CNTN4: variants seen among roughly 807,000 people sequenced by gnomAD.
CNTN4 encodes contactin 4.
CNTN4 carries 77 observed loss-of-function variants against 122.5 expected under a neutral mutation model. That is an observed-to-expected ratio of 0.63 (90% confidence interval 0.52 to 0.76). CNTN4 has a LOEUF of 0.76. Among genes scored for constraint, CNTN4 ranks in the 30% least tolerant of loss-of-function variants. The pLI is 0.00. For missense variants in CNTN4, 1,256 were observed against 1,259.1 expected (o/e 1.00, Z 0.04); for synonymous variants, 512 against 447.0 (o/e 1.15, Z -1.83).
At chr3:2,147,276 G>A (rs577030720) in intron 2 of CNTN4, among the ~76,000 whole-genome samples, 1 of 152,044 alleles carries the variant, frequency 6.6e-6, no homozygotes, top group Admixed American at 6.5e-5. Flanking sequence ...ATGCATCAGA[G>A]GAGCATTCCA....
At chr3:2,483,094 G>T (rs2076053580) in intron 3 of CNTN4, among the ~76,000 whole-genome samples, 1 of 152,178 alleles carries the variant, frequency 6.6e-6, no homozygotes. Flanking sequence ...AGCCAGGAGG[G>T]GTGCTATACC....
intron 7 of CNTN4, among the ~76,000 whole-genome samples, chr3:2,837,830 T>C (rs1380819633): frequency 6.6e-6 from 1 of 152,172 alleles, no homozygotes; most frequent in Admixed American, 6.5e-5. Context: ...ATCTGAAATA[T>C]GTCATGCTTT....
chr3:2,726,432 T>C (rs950367844), intron 4 of CNTN4, among the ~76,000 whole-genome samples: 8 of 152,100 alleles, frequency 5.3e-5, no homozygotes, highest in African/African-American at 9.7e-5. Context: ...ACCACTTGAG[T>C]TGAAAGAGTA....
intron 3 of CNTN4, among the ~76,000 whole-genome samples, chr3:2,416,415 T>C (rs1225851844): frequency 2.0e-5 from 3 of 152,196 alleles, no homozygotes; most frequent in East Asian, 3.9e-4. Flanking sequence ...ATATGTAAAA[T>C]GTAATTTAAA....
intron 7 of CNTN4, among the ~76,000 whole-genome samples, chr3:2,851,056 G>T (rs527325362): frequency 1.3e-5 from 2 of 152,262 alleles, no homozygotes; most frequent in South Asian, 4.1e-4. Context: ...GAAATCGAAG[G>T]TGGGTACAAT....
intron 13 of CNTN4, among the ~76,000 whole-genome samples, chr3:2,973,500 G>C (rs1275248297): frequency 6.6e-6 from 1 of 151,930 alleles, no homozygotes; most frequent in Non-Finnish European, 1.5e-5. Flanking sequence ...GCTTCATTTT[G>C]GGGGAGAATG....
At chr3:2,549,746 G>T (rs764452973) in intron 3 of CNTN4, among the ~76,000 whole-genome samples, 2 of 152,014 alleles carry the variant, frequency 1.3e-5, no homozygotes, top group Middle Eastern at 3.2e-3. Flanking sequence ...TTCTTTTTCT[G>T]TTGTTTGGAA....
rs550693991 is a variant in CNTN4 at position 2,626,144 on chromosome 3, T to G, written c.55+54586T>G. Among the ~76,000 whole-genome samples, 19 of 152,314 alleles carry G rather than the reference T, an allele frequency of 1.2e-4. 1 individual carries two copies. The South Asian group carries it at 3.9e-3, about 32-fold the overall frequency. ...TTGCTTGCTGGCCTTTTCACTCTTA[T>G]TTGGAGTCCTTTGATAGAGCAGAAG... On this transcript the variant is annotated intron_variant, in intron 4 of 24. Transcript: ENST00000418658.
At position 2,385,149 on chromosome 3, in the gene CNTN4, A is replaced by G. The variant is rs2046198481; in HGVS notation, c.-89+45916A>G. On this transcript the variant is annotated intron_variant, in intron 3 of 24. Coordinates refer to ENST00000418658, the MANE Select transcript of CNTN4 (RefSeq NM_175607.3). This position sits in a 1 kb window ranked among gnomAD's most constrained non-coding sequence, Gnocchi z 4.0. Reference sequence around the variant, plus strand: ...TATAAACATATCATTTTCTACTTTAAACCATAATCCATAACTCATATCAAC... The same window carrying G: ...TATAAACATATCATTTTCTACTTTAGACCATAATCCATAACTCATATCAAC... 6.6e-6 allele frequency among the ~76,000 whole-genome samples: 1 copy of G among 152,214 alleles called. No homozygotes were observed. The highest frequency in any genetic ancestry group is 2.4e-5 in the African/African-American group (1 of 41,456).
At chr3:2,384,593 GC>G (rs2150807066) in intron 3 of CNTN4, among the ~76,000 whole-genome samples, 1 of 152,242 alleles carries the variant, frequency 6.6e-6, no homozygotes, top group South Asian at 2.1e-4. Flanking sequence ...AATTGCAAAT[GC>G]CCAGCTAAAT....
At chr3:2,863,672 T>G (rs1312142057) in intron 7 of CNTN4, among the ~76,000 whole-genome samples, 1 of 152,096 alleles carries the variant, frequency 6.6e-6, no homozygotes, top group African/African-American at 2.4e-5. Flanking sequence ...AACTAGGTTT[T>G]TTGAGCTGTG....
rs550390029 is a variant in CNTN4 at position 2,709,476 on chromosome 3, A to T, written c.56-26739A>T. ...GCAATGGGGGATGGGAACTACTGAA[A>T]CCTAATCCCCGCAATTACAGGGTTT... On this transcript the variant is annotated intron_variant, in intron 4 of 24. Transcript: ENST00000418658. This position sits in a 1 kb window ranked among gnomAD's most constrained non-coding sequence, Gnocchi z 5.0. Among the ~76,000 whole-genome samples the T allele has an allele frequency of 3.3e-5, 5 of 152,270 alleles. No homozygotes were observed. In the East Asian group the frequency reaches 9.7e-4, roughly 29 times the overall value.
intron 6 of CNTN4, among the ~76,000 whole-genome samples, chr3:2,760,905 G>A (rs2090562248): frequency 6.6e-6 from 1 of 152,164 alleles, no homozygotes; most frequent in Non-Finnish European, 1.5e-5. Flanking sequence ...AAGAATGTTA[G>A]TGATTTCCTA....
intron 6 of CNTN4, among the ~76,000 whole-genome samples, chr3:2,749,710 A>C (rs2089994653): frequency 6.6e-6 from 1 of 152,102 alleles, no homozygotes; most frequent in South Asian, 2.1e-4. Flanking sequence ...ACCCAAACCC[A>C]CCCTTTCTAT....
intron 2 of CNTN4, among the ~76,000 whole-genome samples, chr3:2,138,066 C>CTTTT (rs374358543): frequency 4.4e-5 from 6 of 136,022 alleles, no homozygotes; most frequent in African/African-American, 1.1e-4. Flanking sequence ...TCTTCTTCTT[C>CTTTT]TTTTTTTTTT....
chr3:2,581,171 A>G (rs958855331), intron 4 of CNTN4, among the ~76,000 whole-genome samples: 4 of 152,090 alleles, frequency 2.6e-5, no homozygotes, highest in African/African-American at 9.7e-5. Context: ...CCTTGTTTTA[A>G]CAAGGCCTCC....
At chr3:2,707,729 G>C (rs535813671) in intron 4 of CNTN4, among the ~76,000 whole-genome samples, 13 of 151,986 alleles carry the variant, frequency 8.6e-5, no homozygotes, top group African/African-American at 3.1e-4. Context: ...CTGTAACCTC[G>C]AACTCTTGGG....
intron 3 of CNTN4, among the ~76,000 whole-genome samples, chr3:2,494,850 G>T (rs1209148637): frequency 7.9e-5 from 12 of 152,248 alleles, no homozygotes; most frequent in African/African-American, 2.4e-5. Flanking sequence ...GAATTCCAAA[G>T]GGAGGAGAGT....
intron 6 of CNTN4, among the ~76,000 whole-genome samples, chr3:2,768,755 T>G (rs1223988269): frequency 6.6e-6 from 1 of 152,234 alleles, no homozygotes; most frequent in Non-Finnish European, 1.5e-5. Context: ...ATAGTTAAGT[T>G]GTCTATATCG....
Sources: allele counts gnomAD v4.1 joint callset (sites outside exome capture counted in the v4.1 genomes callset), GRCh38; gene constraint gnomAD v4.1.1; non-coding constraint Gnocchi (gnomAD v3.1); transcripts MANE v1.5; gene names NCBI Gene and HGNC (gene_info 2026-07-23, HGNC 2026-07-21).